DOCK10: variants seen among roughly 807,000 people sequenced by gnomAD.
DOCK10 encodes the protein dedicator of cytokinesis protein 10.
DOCK10 carries 145 observed loss-of-function variants against 280.1 expected under a neutral mutation model. The observed-to-expected ratio is 0.52, with a 90% confidence interval of 0.45 to 0.59. The LOEUF is 0.59. Ranked by LOEUF, DOCK10 falls within the 20% of genes least tolerant of loss-of-function variation. The probability of loss-of-function intolerance (pLI) is 0.00; values close to 1 mark genes in which losing one functional copy is unlikely to be tolerated. For missense variants in DOCK10, 2,368 were observed against 2,651.7 expected (o/e 0.89, Z 2.35); for synonymous variants, 915 against 942.2 (o/e 0.97, Z 0.53).
intron 1 of DOCK10, among the ~76,000 whole-genome samples, chr2:225,024,051 T>C (rs1241184858): frequency 6.6e-6 from 1 of 152,210 alleles, no homozygotes; most frequent in Non-Finnish European, 1.5e-5. Context: ...CCACCAAAAA[T>C]ACGACAGCTT....
At chr2:225,020,925 C>T (rs1689768252) in intron 1 of DOCK10, among the ~76,000 whole-genome samples, 1 of 152,186 alleles carries the variant, frequency 6.6e-6, no homozygotes, top group Admixed American at 6.5e-5. Flanking sequence ...TGTTTATATA[C>T]ATTGGTTTTG....
intron 1 of DOCK10, among the ~76,000 whole-genome samples, chr2:225,023,505 AT>A (rs1689838255): frequency 6.6e-6 from 1 of 152,222 alleles, no homozygotes; most frequent in African/African-American, 2.4e-5. Flanking sequence ...TTGAAAAGTG[AT>A]TTAATACCAA....
intron 1 of DOCK10, chr2:224,946,989 T>C: frequency 6.6e-7 from 1 of 1,523,932 alleles, no homozygotes; most frequent in Non-Finnish European, 8.8e-7. Flanking sequence ...TATTTCAAAA[T>C]ATCAATGTCG....
intron 1 of DOCK10, among the ~76,000 whole-genome samples, chr2:225,040,248 T>C (rs901017074): frequency 6.6e-6 from 1 of 152,080 alleles, no homozygotes; most frequent in African/African-American, 2.4e-5. Flanking sequence ...AGTTAACTGA[T>C]GGGATAGTAT....
At position 224,995,462 on chromosome 2, in the gene DOCK10, T is replaced by C. The variant is rs143731474; in HGVS notation, c.123+46790A>G. On this transcript the variant is annotated intron_variant, in intron 1 of 55. Transcript: ENST00000258390. The stretch of plus-strand genomic sequence containing the variant: ...GCACTTATTGAACACCTATTATCTA[T>C]CTCACGCCAATAATACACAGGAGGG... 2.2e-4 allele frequency among the ~76,000 whole-genome samples: 33 copies of C among 152,326 alleles called. No individual in the cohort carries two copies. In the East Asian group the frequency reaches 4.8e-3, roughly 22 times the overall value.
chr2:224,921,356 T>C lies in DOCK10; in HGVS notation c.244-4572A>G, dbSNP rs763548620. Among the ~76,000 whole-genome samples, 98 of 151,052 alleles carry C rather than the reference T, an allele frequency of 6.5e-4. 5 individuals carry two copies. The highest frequency in any genetic ancestry group is 7.4e-5 in the Non-Finnish European group (5 of 67,864). On this transcript the variant is annotated intron_variant, in intron 2 of 55. Coordinates refer to ENST00000258390, the MANE Select transcript of DOCK10 (RefSeq NM_014689.3). ...GAACACTTAGCTAATTTAAGAAGTT[T>C]TTTGTTTGTTTGCTTGTTTTATTGG...
intron 17 of DOCK10, among the ~76,000 whole-genome samples, chr2:224,852,664 T>C (rs1696823768): frequency 6.6e-6 from 1 of 152,204 alleles, no homozygotes; most frequent in Non-Finnish European, 1.5e-5. Flanking sequence ...AGGCATGCTA[T>C]TTTTAGAATA....
intron 1 of DOCK10, among the ~76,000 whole-genome samples, chr2:224,965,167 A>C (rs766371661): frequency 6.6e-6 from 1 of 152,226 alleles, no homozygotes; most frequent in Non-Finnish European, 1.5e-5. Context: ...AAACATAATC[A>C]TTCAGCCTTT....
At chr2:224,909,368 G>C (rs923374320) in intron 3 of DOCK10, among the ~76,000 whole-genome samples, 3 of 152,120 alleles carry the variant, frequency 2.0e-5, no homozygotes, top group Non-Finnish European at 4.4e-5. Flanking sequence ...TCCAGTAGTT[G>C]TTTTCCAAGT....
rs1189620036 is a variant in DOCK10 at position 224,786,899 on chromosome 2, G to A, written c.5655+123C>T. On this transcript the variant is annotated intron_variant, in intron 50 of 55. Coordinates refer to ENST00000258390, the MANE Select transcript of DOCK10 (RefSeq NM_014689.3). This position sits in a 1 kb window ranked among gnomAD's most constrained non-coding sequence, Gnocchi z 4.7. ...CCATCACATCCAGAGAAACACTCAA[G>A]TATAGTCAGACACACCCACACCTCT... 4 of 730,848 alleles carry A rather than the reference G, an allele frequency of 5.5e-6. No individual in the cohort carries two copies. The highest frequency in any genetic ancestry group is 2.6e-5 in the East Asian group (1 of 38,674). 45.3% of individuals were successfully genotyped at this position (730,848 alleles called of 1,614,324 possible). A position where few individuals can be genotyped will look rare whatever the true frequency, so the allele number is the denominator to read the frequency against.
chr2:224,852,529 A>T, intron 17 of DOCK10, 87 bp from the exon 18 acceptor site: 2 of 1,001,192 alleles, frequency 2.0e-6, no homozygotes, highest in South Asian at 3.0e-5. Context: ...GTAGCTTCTA[A>T]TTAATCCAAA....
intron 22 of DOCK10, among the ~76,000 whole-genome samples, chr2:224,843,646 A>G (rs1696134532): frequency 6.6e-6 from 1 of 152,210 alleles, no homozygotes; most frequent in Non-Finnish European, 1.5e-5. Context: ...ATAAAGCAGC[A>G]TGAAGCAAAA....
At chr2:224,855,852 T>C (rs916557549) in intron 15 of DOCK10, among the ~76,000 whole-genome samples, 1 of 152,188 alleles carries the variant, frequency 6.6e-6, no homozygotes, top group Non-Finnish European at 1.5e-5. Context: ...CAGCCGTTAA[T>C]AAAAATTAAG....
rs1163813560 is a variant in DOCK10 at position 224,855,010 on chromosome 2, G to A, written c.1841C>T (p.Pro614Leu). The change falls in exon 16 of 56, where the codon CCT becomes CTT. Residue 614 changes from proline to leucine, a missense_variant. Coordinates refer to ENST00000258390, the MANE Select transcript of DOCK10 (RefSeq NM_014689.3). ...ADRISKMQTI[P>L]GSLDIAVDNV... The stretch of plus-strand genomic sequence containing the variant: ...GTCAACAGCAATATCCAGGCTTCCA[G>A]GAATGGTCTGCATTTTGCTTATTCT... 1 of 1,607,304 alleles carries A rather than the reference G, an allele frequency of 6.2e-7. No homozygotes were observed. Among genetic ancestry groups the A allele is most frequent in the African/African-American group, 1.3e-5 (1 of 74,376 alleles).
intron 1 of DOCK10, among the ~76,000 whole-genome samples, chr2:224,961,482 T>C (rs1400610838): frequency 1.4e-5 from 2 of 145,462 alleles, no homozygotes; most frequent in Non-Finnish European, 3.0e-5. Flanking sequence ...CTTTCTTTCT[T>C]TCTCTTTCTT....
At position 224,840,023 on chromosome 2, in the gene DOCK10, A is replaced by G. The variant is rs775734257; in HGVS notation, c.2711T>C (p.Ile904Thr). 3.8e-6 allele frequency: 6 copies of G among 1,564,822 alleles called. No homozygotes were observed. In the African/African-American group the frequency reaches 5.4e-5, roughly 14 times the overall value. Residue 904 changes from isoleucine to threonine, a missense_variant, in exon 24 of 56, where the codon ATA (isoleucine) becomes ACA (threonine). Coordinates refer to ENST00000258390, the MANE Select transcript of DOCK10 (RefSeq NM_014689.3). The stretch of plus-strand genomic sequence containing the variant: ...AACTTTGAAGAGCTGATTCAAAATT[A>G]TAGGCAGAAAACTCATGATTGCATG... ...KIHAIMSFLP[I>T]ILNQLFKVLV...
At chr2:224,814,680 C>T (rs1002593491) in intron 30 of DOCK10, among the ~76,000 whole-genome samples, 1 of 152,116 alleles carries the variant, frequency 6.6e-6, no homozygotes, top group African/African-American at 2.4e-5. Context: ...CGCCACTGCA[C>T]CTGGCTGATT....
chr2:224,845,043 A>T (rs1696240488), intron 21 of DOCK10, among the ~76,000 whole-genome samples, 160 bp downstream of exon 21: 1 of 152,224 alleles, frequency 6.6e-6, no homozygotes, highest in South Asian at 2.1e-4. Flanking sequence ...TATCATTTCC[A>T]GTGGCCATAA....
chr2:224,930,128 G>GA (rs1702255466), intron 2 of DOCK10, among the ~76,000 whole-genome samples: 1 of 150,604 alleles, frequency 6.6e-6, no homozygotes. Flanking sequence ...CTGAACCCAG[G>GA]AGGTGGAGGA....
Sources: gnomAD v4.1 joint callset for allele counts (sites outside exome capture counted in the v4.1 genomes callset) on GRCh38, gnomAD v4.1.1 for gene constraint, Gnocchi (gnomAD v3.1) non-coding constraint, MANE v1.5 for transcripts, NCBI Gene and HGNC (gene_info 2026-07-23, HGNC 2026-07-21) for gene names.